The following ANTXR1 variants were observed in gnomAD, a reference collection of about 807,000 sequenced individuals.
ANTXR1 encodes the protein ANTXR cell adhesion molecule 1, also known as anthrax toxin receptor 1.
A neutral mutation model predicts 78.1 loss-of-function variants in ANTXR1; 19 were observed. That is an observed-to-expected ratio of 0.24 (90% CI 0.17 to 0.36). The LOEUF is 0.36. Among genes scored for constraint, ANTXR1 ranks in the 10% least tolerant of loss-of-function variants. The pLI is 1.00. For synonymous variants in ANTXR1, 273 were observed against 260.5 expected, an observed-to-expected ratio of 1.05 and a Z score of -0.46; for missense variants, 518 against 718.6, an observed-to-expected ratio of 0.72 and a Z score of 3.19.
At chr2:69,083,136 G>A (rs1375422332) in intron 8 of ANTXR1, among the ~76,000 whole-genome samples, 2 of 152,176 alleles carry the variant, frequency 1.3e-5, no homozygotes, top group Non-Finnish European at 2.9e-5. Flanking sequence ...CCCTAACAAA[G>A]CTGTGATAAA....
chr2:69,096,541 C>T (rs187504990), intron 9 of ANTXR1, among the ~76,000 whole-genome samples: 1 of 151,894 alleles, frequency 6.6e-6, no homozygotes, highest in African/African-American at 2.4e-5. Context: ...CCAATCACTG[C>T]ACTGGTGAAC....
chr2:69,015,524 T>C (rs1670999887), intron 1 of ANTXR1, among the ~76,000 whole-genome samples: 1 of 152,014 alleles, frequency 6.6e-6, no homozygotes, highest in Admixed American at 6.5e-5. Context: ...AAATGGTTCC[T>C]GGACAAGTGA....
chr2:69,239,648 C>T (rs540322644), intron 17 of ANTXR1, among the ~76,000 whole-genome samples: 1 of 152,276 alleles, frequency 6.6e-6, no homozygotes, highest in Non-Finnish European at 1.5e-5. Context: ...ATGAAGAAAC[C>T]GAAGCCCATA....
At chr2:69,225,566 G>T (rs1317964747) in intron 17 of ANTXR1, among the ~76,000 whole-genome samples, 2 of 152,182 alleles carry the variant, frequency 1.3e-5, no homozygotes, top group Admixed American at 6.5e-5. Flanking sequence ...AGAGTAGGAA[G>T]AAGACACCTC....
At chr2:69,177,062 A>T (rs1053142637) in intron 14 of ANTXR1, among the ~76,000 whole-genome samples, 4 of 152,222 alleles carry the variant, frequency 2.6e-5, no homozygotes, top group African/African-American at 9.7e-5. Context: ...CAGTCCCAGA[A>T]TCTGGAAAAT....
At chr2:69,146,869 C>A (rs1220407948) in intron 12 of ANTXR1, among the ~76,000 whole-genome samples, 1 of 152,248 alleles carries the variant, frequency 6.6e-6, no homozygotes, top group East Asian at 1.9e-4. Context: ...CCTGTCCTGG[C>A]CACCCTTTCC....
At chr2:69,088,119 T>C (rs1043203838) in intron 8 of ANTXR1, among the ~76,000 whole-genome samples, 1 of 152,212 alleles carries the variant, frequency 6.6e-6, no homozygotes, top group African/African-American at 2.4e-5. Flanking sequence ...CTTAGATTTA[T>C]CAGCTAATTG....
intron 12 of ANTXR1, 118 bp from the exon 13 acceptor site, chr2:69,152,051 T>A (rs1673412880): frequency 8.7e-6 from 9 of 1,031,762 alleles, no homozygotes; most frequent in Non-Finnish European, 1.3e-5. Context: ...AACCATTTGC[T>A]TGGCAAACTG....
At chr2:69,122,779 G>A (rs1489949600) in intron 10 of ANTXR1, among the ~76,000 whole-genome samples, 4 of 151,804 alleles carry the variant, frequency 2.6e-5, no homozygotes, top group Non-Finnish European at 5.9e-5. Flanking sequence ...GGTGTGTGAT[G>A]TTCCCCTTCC....
At chr2:69,153,737 A>G (rs565901519) in intron 13 of ANTXR1, among the ~76,000 whole-genome samples, 2 of 152,334 alleles carry the variant, frequency 1.3e-5, no homozygotes, top group Admixed American at 1.3e-4. Flanking sequence ...TTCTTAAAGA[A>G]GAGTCGGCAG....
Position 69,077,322 on chromosome 2 carries a change from C to T in ANTXR1, c.562-86C>T, listed in dbSNP as rs552609833. The T allele has an allele frequency of 3.8e-5, 54 of 1,404,204 alleles. 1 individual carries two copies. In the Middle Eastern group the frequency reaches 7.1e-4, roughly 18 times the overall value. 87.0% of individuals were successfully genotyped at this position (1,404,204 alleles called of 1,614,324 possible). On this transcript the variant is annotated intron_variant, in intron 7 of 17. Transcript: ENST00000303714. ...CCCTGGGTTCTGAATATAACTAGAG[C>T]CCCTTAGCCCCAACGGCTTTCCTAA...
intron 17 of ANTXR1, among the ~76,000 whole-genome samples, chr2:69,223,833 G>A (rs561664878): frequency 2.6e-5 from 4 of 152,264 alleles, no homozygotes; most frequent in African/African-American, 7.2e-5. Context: ...AGGAGGAAAC[G>A]GCTAAAAATT....
chr2:69,157,192 G>A (rs1246249488), intron 13 of ANTXR1, among the ~76,000 whole-genome samples: 1 of 151,986 alleles, frequency 6.6e-6, no homozygotes, highest in Non-Finnish European at 1.5e-5. Context: ...CCTTTAAACT[G>A]TCTCCTCCAC....
At chr2:69,014,365 C>T (rs1670961333) in intron 1 of ANTXR1, among the ~76,000 whole-genome samples, 1 of 152,008 alleles carries the variant, frequency 6.6e-6, no homozygotes, top group Admixed American at 6.5e-5. Flanking sequence ...AAAAATGCCT[C>T]CAGACATTGC....
At chr2:69,042,167 C>T (rs1158083506) in intron 2 of ANTXR1, among the ~76,000 whole-genome samples, 3 of 152,194 alleles carry the variant, frequency 2.0e-5, no homozygotes, top group Non-Finnish European at 4.4e-5. Flanking sequence ...TTTCTAATCT[C>T]AGTGGGATTT....
intron 8 of ANTXR1, among the ~76,000 whole-genome samples, chr2:69,083,961 T>C (rs978328156): frequency 2.6e-5 from 4 of 152,228 alleles, no homozygotes; most frequent in Non-Finnish European, 5.9e-5. Flanking sequence ...GCATTTCTCC[T>C]ACACTATTAT....
Position 69,123,021 on chromosome 2 carries a change from G to A in ANTXR1, c.807G>A (p.Glu269=). 1 of 1,614,116 alleles carries A rather than the reference G, an allele frequency of 6.2e-7. No individual in the cohort carries two copies. Among genetic ancestry groups the A allele is most frequent in the East Asian group, 2.2e-5 (1 of 44,878 alleles). The change falls in exon 11 of 18, where the codon GAG becomes GAA. Residue 269 remains glutamate, a synonymous_variant. Transcript: ENST00000303714. Reference sequence around the variant, plus strand: ...CCAGTGATTTCCTTTTTGCAGATGAGAAGCCCTTTTCTGTGGAAGATACTT... The same window carrying A: ...CCAGTGATTTCCTTTTTGCAGATGAAAAGCCCTTTTCTGTGGAAGATACTT... ...FKINDSVTLN[E]KPFSVEDTYL...
chr2:69,086,683 G>A (rs1288413529), intron 8 of ANTXR1, among the ~76,000 whole-genome samples: 1 of 52,464 alleles, frequency 1.9e-5, no homozygotes, highest in Non-Finnish European at 3.9e-5. Context: ...CACGGTCCAC[G>A]CCCAAAAGTA....
chr2:69,132,221 G>A, intron 12 of ANTXR1, among the ~76,000 whole-genome samples: 1 of 152,234 alleles, frequency 6.6e-6, no homozygotes, highest in East Asian at 1.9e-4. Context: ...AGCTGGGGCT[G>A]AGGATGCACA....
Sources: allele counts gnomAD v4.1 joint callset (sites outside exome capture counted in the v4.1 genomes callset), GRCh38; gene constraint gnomAD v4.1.1; transcripts MANE v1.5; gene names NCBI Gene and HGNC (gene_info 2026-07-23, HGNC 2026-07-21).